The following TEX15 variants were observed in gnomAD, a reference collection of about 807,000 sequenced individuals.
TEX15 encodes testis-expressed protein 15.
In TEX15, 171 loss-of-function variants were observed where a neutral mutation model predicts 237.3. That is an observed-to-expected ratio of 0.72 (90% CI 0.64 to 0.82). The LOEUF (loss-of-function observed/expected upper bound fraction) is 0.82, where lower values mean the gene tolerates loss of function less well. TEX15 is among the 40% of genes least tolerant of loss of function. The pLI is 0.00. For synonymous variants in TEX15, 1,338 were observed against 1,269.8 expected (o/e 1.05, Z -1.14); for missense variants, 3,750 against 3,646.5 (o/e 1.03, Z -0.73).
chr8:30,905,721 T>C (rs1809089808), intron 1 of TEX15, among the ~76,000 whole-genome samples: 1 of 130,486 alleles, frequency 7.7e-6, no homozygotes. Flanking sequence ...AAAACCTGTC[T>C]TTACAAAAAA....
At chr8:30,878,363 A>G (rs1585304018) in intron 3 of TEX15, among the ~76,000 whole-genome samples, 1 of 152,128 alleles carries the variant, frequency 6.6e-6, no homozygotes, top group East Asian at 1.9e-4. Context: ...CGGCTGGATC[A>G]TATGGCAGTT....
At chr8:30,889,392 C>T (rs1808734899) in intron 2 of TEX15, among the ~76,000 whole-genome samples, 4 of 152,094 alleles carry the variant, frequency 2.6e-5, no homozygotes, top group Admixed American at 2.6e-4. Context: ...GTGGAGGTTG[C>T]AGCGAGCAGA....
intron 7 of TEX15, among the ~76,000 whole-genome samples, chr8:30,853,508 A>G (rs1005575048): frequency 6.6e-6 from 1 of 152,226 alleles, no homozygotes; most frequent in African/African-American, 2.4e-5. Context: ...TAAAAAACAC[A>G]GTATAACAAC....
chr8:30,857,209 T>C (rs937875295), intron 7 of TEX15, among the ~76,000 whole-genome samples: 2 of 152,148 alleles, frequency 1.3e-5, no homozygotes, highest in Non-Finnish European at 2.9e-5. Flanking sequence ...GATTCTCCAA[T>C]AAACTGTACT....
intron 1 of TEX15, among the ~76,000 whole-genome samples, chr8:30,906,242 G>T (rs1809101143): frequency 6.6e-6 from 1 of 152,028 alleles, no homozygotes; most frequent in African/African-American, 2.4e-5. Flanking sequence ...TCTTCAAATA[G>T]TTATATTATT....
At chr8:30,833,659 A>C (rs906275340) in intron 10 of TEX15, among the ~76,000 whole-genome samples, 3 of 152,234 alleles carry the variant, frequency 2.0e-5, no homozygotes, top group African/African-American at 4.8e-5. Flanking sequence ...CACCACGAAC[A>C]ATATAGTGAC....
In TEX15 at chr8:30,847,972, T is replaced by C. The variant is rs1209660532; in HGVS notation, c.2195A>G (p.Glu732Gly). Residue 732 changes from glutamate to glycine, a missense_variant, in exon 8 of 11, where the codon GAG (glutamate) becomes GGG (glycine). Glu to Gly is a moderately conservative substitution (Grantham distance 98). Coordinates refer to ENST00000643185, the MANE Select transcript of TEX15 (RefSeq NM_001350162.2). ...GGCTAAACTTGTATGAATGTTACCC[T>C]CATACTCCACAGAGTGCTGAGGATG... ...QKHPQHSVEY[E>G]GNIHTSLAIA... 1 of 1,613,984 alleles carries C rather than the reference T, an allele frequency of 6.2e-7. No individual in the cohort carries two copies. Among genetic ancestry groups the C allele is most frequent in the Non-Finnish European group, 8.5e-7 (1 of 1,179,942 alleles).
intron 1 of TEX15, among the ~76,000 whole-genome samples, chr8:30,909,735 TCAC>T (rs1392135791): frequency 6.6e-6 from 1 of 152,088 alleles, no homozygotes; most frequent in Non-Finnish European, 1.5e-5. Context: ...CAAGAGTAAA[TCAC>T]CACAGAACAT....
rs1380298253 is a variant in TEX15 at position 30,848,423 on chromosome 8, GA to G, written c.1743del (p.Gln582ArgfsTer8). The G allele has an allele frequency of 6.2e-6, 10 of 1,614,014 alleles. No homozygotes were observed. The highest frequency in any genetic ancestry group is 8.5e-6 in the Non-Finnish European group (10 of 1,180,022). ...TTTAAATCAGAAGACTGCGAGTCCT[GA>G]AAAATGTGACTACTGTACTCTTTTG... Reference protein sequence around the residue: ...AYTKEYSSHIFQDSQSSDLKT... With the variant: ...AYTKEYSSHIXQDSQSSDLKT... On this transcript the variant is annotated frameshift_variant, in exon 8 of 11. Transcript: ENST00000643185. LOFTEE classifies it high-confidence loss of function.
chr8:30,845,108 G>T lies in TEX15; in HGVS notation c.5059C>A (p.Pro1687Thr), dbSNP rs1221478496. 2 of 1,613,302 alleles carry T rather than the reference G, an allele frequency of 1.2e-6. No homozygotes were observed. Among genetic ancestry groups the T allele is most frequent in the Non-Finnish European group, 1.7e-6 (2 of 1,179,484 alleles). The change falls in exon 8 of 11, where the codon CCT (proline) becomes ACT (threonine). Residue 1687 changes from proline to threonine, a missense_variant. Pro to Thr is a conservative substitution (Grantham distance 38, BLOSUM62 -1). Coordinates refer to ENST00000643185, the MANE Select transcript of TEX15 (RefSeq NM_001350162.2). ...ATGTTTTGTTTGGGTCTCTCAATAG[G>T]ATCTGTCCACTTTACTTCCAGGTTT... ...KRNLEVKWTD[P>T]IERPKQNIIT...
intron 8 of TEX15, 114 bp from the exon 9 acceptor site, chr8:30,840,078 T>C (rs865900052): frequency 3.7e-6 from 2 of 540,044 alleles, no homozygotes; most frequent in Middle Eastern, 5.3e-4. Flanking sequence ...TCATCTAAAG[T>C]TAAACTAATT....
In TEX15 at chr8:30,837,349, CA is replaced by C; in HGVS notation, c.8934del (p.Phe2978LeufsTer7). On this transcript the variant is annotated frameshift_variant, in exon 10 of 11. Coordinates refer to ENST00000643185, the MANE Select transcript of TEX15 (RefSeq NM_001350162.2). LOFTEE classifies it high-confidence loss of function. ...TTAAGGGTTATATGCCCAGATGCTC[CA>C]AAAGTATGCACAGTATTGGGATTCA... is the stretch of plus-strand genomic sequence containing the variant. ...DTLNPNTVHT[F>X]GASGHITLNV... The C allele has an allele frequency of 6.2e-7, 1 of 1,614,104 alleles. No individual in the cohort carries two copies. The highest frequency in any genetic ancestry group is 8.5e-7 in the Non-Finnish European group (1 of 1,180,014).
In TEX15 at chr8:30,843,189, T is replaced by C. The variant is rs1233565974; in HGVS notation, c.6978A>G (p.Pro2326=). 1.2e-6 allele frequency: 2 copies of C among 1,613,404 alleles called. No homozygotes were observed. Among genetic ancestry groups the C allele is most frequent in the Non-Finnish European group, 1.7e-6 (2 of 1,179,670 alleles). The change falls in exon 8 of 11, where the codon CCA becomes CCG. Residue 2326 remains proline (P), a synonymous_variant. Coordinates refer to ENST00000643185, the MANE Select transcript of TEX15 (RefSeq NM_001350162.2). ...DTLSKDLNNE[P]ISPIGLEEDT... is the part of the protein sequence containing the mutation. Reference sequence around the variant, plus strand: ...CCTCCTCAAGCCCAATAGGGGAAATTGGTTCATTGTTTAAATCTTTAGACA... The same window carrying C: ...CCTCCTCAAGCCCAATAGGGGAAATCGGTTCATTGTTTAAATCTTTAGACA...
At chr8:30,841,539 T>C (rs545480195) in intron 8 of TEX15, among the ~76,000 whole-genome samples, 2 of 152,378 alleles carry the variant, frequency 1.3e-5, no homozygotes, top group East Asian at 3.9e-4. Context: ...TTTTAACTCC[T>C]TGATAATTAT....
rs145284192 is a variant in TEX15 at position 30,898,087 on chromosome 8, C to A, written c.-10+655G>T. On this transcript the variant is annotated intron_variant, in intron 2 of 10. Coordinates refer to ENST00000643185, the MANE Select transcript of TEX15 (RefSeq NM_001350162.2). ...AAATTAGTTATTGAAAGTGTCAATA[C>A]CTACCCTAAATTAAGGTCAATTATG... is the stretch of plus-strand genomic sequence containing the variant. Among the ~76,000 whole-genome samples, 16 of 152,288 alleles carry A rather than the reference C, an allele frequency of 1.1e-4. No homozygotes were observed. In the East Asian group the frequency reaches 2.1e-3, roughly 20 times the overall value.
intron 2 of TEX15, among the ~76,000 whole-genome samples, chr8:30,895,772 T>G (rs898095068): frequency 6.4e-5 from 9 of 141,158 alleles, no homozygotes; most frequent in Admixed American, 6.3e-4. Flanking sequence ...CCTCTGCCTC[T>G]CAGGTTCAAG....
In TEX15 at chr8:30,843,312, T is replaced by C. The variant is rs748287251; in HGVS notation, c.6855A>G (p.Gln2285=). 8.7e-6 allele frequency: 14 copies of C among 1,611,832 alleles called. 1 individual carries two copies. The highest frequency in any genetic ancestry group is 5.5e-5 in the South Asian group (5 of 90,674). The part of the protein sequence containing the change: ...AKNLVWKERT[Q]SFSKKYSQKK... ...TTTGTGAGTATTTTTTGCTGAAGGA[T>C]TGTGTTCTCTCTTTCCAAACAAGAT... The change falls in exon 8 of 11, where the codon CAA becomes CAG. Residue 2285 remains glutamine (Q), a synonymous_variant. Coordinates refer to ENST00000643185, the MANE Select transcript of TEX15 (RefSeq NM_001350162.2).
At position 30,842,567 on chromosome 8, in the gene TEX15, A is replaced by C; in HGVS notation, c.7600T>G (p.Cys2534Gly). The change falls in exon 8 of 11, where the codon TGC becomes GGC. Residue 2534 changes from cysteine to glycine, a missense_variant. Cys to Gly is a radical substitution (Grantham distance 159). Transcript: ENST00000643185. ...IICKYNEAVN[C>G]SYAIHLLSRE... ...GAGAGCAAATGAATAGCATATGAGC[A>C]ATTAACAGCTTCATTATATTTGCAG... 1.2e-6 allele frequency: 2 copies of C among 1,610,584 alleles called. No individual in the cohort carries two copies. Among genetic ancestry groups the C allele is most frequent in the Non-Finnish European group, 1.7e-6 (2 of 1,179,512 alleles).
chr8:30,859,183 G>A lies in TEX15; in HGVS notation c.688-353C>T, dbSNP rs1048023441. On this transcript the variant is annotated intron_variant, in intron 6 of 10. Coordinates refer to ENST00000643185, the MANE Select transcript of TEX15 (RefSeq NM_001350162.2). ...TAGGTAATCTGTTTTACATGTGGGT[G>A]CATGGATATACTTTCATTGGGAAGA... Among the ~76,000 whole-genome samples the A allele has an allele frequency of 3.3e-5, 5 of 151,906 alleles. No individual in the cohort carries two copies. The East Asian group carries it at 7.7e-4, about 23-fold the overall frequency.
Sources: gnomAD v4.1 joint callset for allele counts (sites outside exome capture counted in the v4.1 genomes callset) on GRCh38, gnomAD v4.1.1 for gene constraint, MANE v1.5 for transcripts, NCBI Gene and HGNC (gene_info 2026-07-23, HGNC 2026-07-21) for gene names.